Variants in KATNIP observed in about 807,000 individuals in gnomAD.
The protein encoded by KATNIP is katanin interacting protein.
A neutral mutation model predicts 174.0 loss-of-function variants in KATNIP; 126 were observed. The observed-to-expected ratio is 0.72, with a 90% confidence interval of 0.63 to 0.84. The LOEUF (loss-of-function observed/expected upper bound fraction) is 0.84. Ranked by LOEUF, KATNIP falls within the 40% of genes least tolerant of loss-of-function variation. The probability of loss-of-function intolerance (pLI) is 0.00; values close to 1 mark genes in which losing one functional copy is unlikely to be tolerated. For missense variants in KATNIP, 1,958 were observed against 2,109.7 expected, an observed-to-expected ratio of 0.93 and a Z score of 1.41; for synonymous variants, 810 against 835.7, an observed-to-expected ratio of 0.97 and a Z score of 0.53.
In KATNIP at chr16:27,699,591, AC is replaced by A; in HGVS notation, c.1174del (p.Glu393SerfsTer43). 1 of 1,614,128 alleles carries A rather than the reference AC, an allele frequency of 6.2e-7. No individual in the cohort carries two copies. The highest frequency in any genetic ancestry group is 8.5e-7 in the Non-Finnish European group (1 of 1,180,002). Reference sequence around the variant, plus strand: ...CAGTCTGCTGGAGGAGAAGGAAGAGACCCTTGAGGTCAGTGCTAGGCAGAGA... The same window carrying A: ...CAGTCTGCTGGAGGAGAAGGAAGAGACCTTGAGGTCAGTGCTAGGCAGAGA... Reference protein sequence around the residue: ...WTSLLEEKEETLELLPITTAT... With the variant: ...WTSLLEEKEEXLELLPITTAT... On this transcript the variant is annotated frameshift_variant, in exon 10 of 28. Transcript: ENST00000261588. LOFTEE classifies it high-confidence loss of function.
At chr16:27,555,187 A>C (rs1449817236) in intron 1 of KATNIP, among the ~76,000 whole-genome samples, 1 of 152,220 alleles carries the variant, frequency 6.6e-6, no homozygotes, top group African/African-American at 2.4e-5. Flanking sequence ...TAGGTAAGCC[A>C]AGCCTGGCCT....
chr16:27,700,800 T>C (rs1227372245), intron 10 of KATNIP, among the ~76,000 whole-genome samples: 1 of 152,132 alleles, frequency 6.6e-6, no homozygotes, highest in Non-Finnish European at 1.5e-5. Context: ...AGGGTGTGCA[T>C]GTGACACCCC....
intron 5 of KATNIP, among the ~76,000 whole-genome samples, chr16:27,636,999 G>A (rs1201688408): frequency 6.6e-6 from 1 of 152,240 alleles, no homozygotes; most frequent in Non-Finnish European, 1.5e-5. Context: ...TCCGCCTCCT[G>A]CCAGCTGCAC....
At chr16:27,654,863 C>T in intron 6 of KATNIP, 2 of 798,858 alleles carry the variant, frequency 2.5e-6, no homozygotes, top group Non-Finnish European at 3.6e-6. Flanking sequence ...GGCACGGTGG[C>T]TTATACCTGT....
intron 1 of KATNIP, among the ~76,000 whole-genome samples, chr16:27,567,505 G>A (rs1372757325): frequency 6.6e-6 from 1 of 151,408 alleles, no homozygotes; most frequent in East Asian, 1.9e-4. Context: ...ACACCCTTGT[G>A]TTTTTTTTCT....
In KATNIP at chr16:27,749,919, G is replaced by A. The variant is rs1263395101; in HGVS notation, c.2959G>A (p.Asp987Asn). The A allele has an allele frequency of 6.2e-7, 1 of 1,614,188 alleles. No individual in the cohort carries two copies. Among genetic ancestry groups the A allele is most frequent in the Non-Finnish European group, 8.5e-7 (1 of 1,180,024 alleles). ...LVIDIKSTWG[D>N]RHYVGLNGIE... Reference sequence around the variant, plus strand: ...CATTGACATCAAGTCTACCTGGGGGGACAGACACTATGTCGGCCTCAACGG... The same window carrying A: ...CATTGACATCAAGTCTACCTGGGGGAACAGACACTATGTCGGCCTCAACGG... The change falls in exon 16 of 28, where the codon GAC becomes AAC. Residue 987 changes from aspartate (D) to asparagine (N), a missense_variant. Transcript: ENST00000261588.
intron 1 of KATNIP, among the ~76,000 whole-genome samples, chr16:27,553,307 A>T (rs2089472131): frequency 6.6e-6 from 1 of 152,216 alleles, no homozygotes. Flanking sequence ...AAGGTAATGG[A>T]AACAAGTTTT....
intron 5 of KATNIP, 69 bp downstream of exon 5, chr16:27,631,231 C>T (rs1023924808): frequency 7.3e-6 from 9 of 1,238,540 alleles, no homozygotes; most frequent in Non-Finnish European, 1.0e-5. Flanking sequence ...AATAGAAATA[C>T]AATCAGAGCA....
intron 1 of KATNIP, among the ~76,000 whole-genome samples, chr16:27,571,559 C>A (rs768865668): frequency 6.6e-5 from 10 of 152,192 alleles, no homozygotes; most frequent in Non-Finnish European, 1.3e-4. Flanking sequence ...GCCAGCAAAG[C>A]AAGGGCCTCA....
At chr16:27,699,900 T>A (rs2079039795) in intron 10 of KATNIP, among the ~76,000 whole-genome samples, 1 of 152,064 alleles carries the variant, frequency 6.6e-6, no homozygotes, top group Admixed American at 6.5e-5. Context: ...ATTTATTTAT[T>A]TTTTTATTTT....
At chr16:27,669,668 T>C (rs12920717) in intron 6 of KATNIP, among the ~76,000 whole-genome samples, 16,817 of 152,070 alleles carry the variant, frequency 0.11, 1,167 homozygotes, top group Middle Eastern at 0.19. Context: ...GCTCCTTAGT[T>C]TGTCTCCCCT....
intron 12 of KATNIP, among the ~76,000 whole-genome samples, chr16:27,707,131 G>C (rs1441108856): frequency 6.6e-6 from 1 of 152,186 alleles, no homozygotes; most frequent in Non-Finnish European, 1.5e-5. Flanking sequence ...GAGAGCAATA[G>C]CACGTCTCGC....
At position 27,737,004 on chromosome 16, in the gene KATNIP, G is replaced by A. The variant is rs568869408; in HGVS notation, c.1744-3037G>A. Among the ~76,000 whole-genome samples the A allele has an allele frequency of 9.2e-5, 14 of 152,334 alleles. No individual in the cohort carries two copies. In the East Asian group the frequency reaches 2.1e-3, roughly 23 times the overall value. Reference sequence around the variant, plus strand: ...GTGAGAGGGGACGAGGGGACGGCAAGCTTTTTAGCAACCGCTCGAATGATG... The same window carrying A: ...GTGAGAGGGGACGAGGGGACGGCAAACTTTTTAGCAACCGCTCGAATGATG... On this transcript the variant is annotated intron_variant, in intron 14 of 27. Transcript: ENST00000261588.
chr16:27,682,534 G>A (rs143042486), intron 8 of KATNIP, among the ~76,000 whole-genome samples: 1 of 152,260 alleles, frequency 6.6e-6, no homozygotes, highest in Non-Finnish European at 1.5e-5. Context: ...AGAGGGTGGG[G>A]GCTCAGTCTC....
At chr16:27,647,898 G>A (rs995080102) in intron 5 of KATNIP, among the ~76,000 whole-genome samples, 4 of 152,118 alleles carry the variant, frequency 2.6e-5, no homozygotes, top group Non-Finnish European at 5.9e-5. Flanking sequence ...TGATCCTCCT[G>A]CCTCGGCCTT....
intron 11 of KATNIP, among the ~76,000 whole-genome samples, chr16:27,702,904 T>C (rs1367961472): frequency 2.0e-5 from 3 of 152,150 alleles, no homozygotes; most frequent in East Asian, 1.9e-4. Flanking sequence ...CAGTGGCTCA[T>C]GCCTGTAATC....
intron 22 of KATNIP, among the ~76,000 whole-genome samples, chr16:27,772,112 TA>T (rs992163291): frequency 2.0e-5 from 3 of 151,230 alleles, no homozygotes; most frequent in African/African-American, 2.4e-5. Context: ...CTCCATATCT[TA>T]AAAAAAAATA....
At chr16:27,713,617 GTATATTTATGTGTGTATT>G (rs2079686804) in intron 13 of KATNIP, among the ~76,000 whole-genome samples, 1 of 80,398 alleles carries the variant, frequency 1.2e-5, no homozygotes, top group African/African-American at 4.5e-5. Context: ...GTGTGTGTAT[GTATATTTATGTGTGTATT>G]TATATTTATG....
chr16:27,747,448 A>G (rs1021701926), intron 15 of KATNIP, among the ~76,000 whole-genome samples: 1 of 151,158 alleles, frequency 6.6e-6, no homozygotes, highest in African/African-American at 2.4e-5. Context: ...AGGATCCTCC[A>G]TCTCTCGACT....
Sources: allele counts gnomAD v4.1 joint callset (sites outside exome capture counted in the v4.1 genomes callset), GRCh38; gene constraint gnomAD v4.1.1; transcripts MANE v1.5; gene names NCBI Gene and HGNC (gene_info 2026-07-23, HGNC 2026-07-21).